PLAAT5: variants seen among roughly 807,000 people sequenced by gnomAD.
PLAAT5 encodes phospholipase A and acyltransferase 5.
Under a neutral mutation model 27.8 loss-of-function variants are expected in PLAAT5, and 27 were observed. That is an observed-to-expected ratio of 0.97 (90% CI 0.72 to 1.34). The LOEUF (loss-of-function observed/expected upper bound fraction) is 1.34, where lower values mean the gene tolerates loss of function less well. Among genes scored for constraint, PLAAT5 ranks in the 40% most tolerant of loss-of-function variants. The pLI, the probability that PLAAT5 is intolerant of heterozygous loss-of-function variation, is 0.00. For synonymous variants in PLAAT5, 125 were observed against 136.1 expected (o/e 0.92, Z 0.57); for missense variants, 368 against 343.8 (o/e 1.07, Z -0.56).
At chr11:63,464,535 AG>A in intron 5 of PLAAT5, among the ~76,000 whole-genome samples, 1 of 152,212 alleles carries the variant, frequency 6.6e-6, no homozygotes, top group South Asian at 2.1e-4. Context: ...GTGCACCTGG[AG>A]TCCCAGCTAC....
chr11:63,468,233 A>G, intron 4 of PLAAT5, 124 bp downstream of exon 4: 1 of 737,646 alleles, frequency 1.4e-6, no homozygotes, highest in East Asian at 2.5e-5. Flanking sequence ...GCAAAGGTCC[A>G]GTCATGCTTC....
At position 63,464,517 on chromosome 11, in the gene PLAAT5, A is replaced by G. The variant is rs191408779; in HGVS notation, c.718-922T>C. Among the ~76,000 whole-genome samples the G allele has an allele frequency of 7.4e-3, 1,123 of 152,136 alleles. 12 individuals carry two copies. Among genetic ancestry groups the G allele is most frequent in the Non-Finnish European group, 0.011 (738 of 67,986 alleles). On this transcript the variant is annotated intron_variant, in intron 5 of 5. Coordinates refer to ENST00000540857, the MANE Select transcript of PLAAT5 (RefSeq NM_001146729.2). ...CTAAAAATACAAAAATTAGCTGGGC[A>G]TGGTGGCGTGCACCTGGAGTCCCAG...
chr11:63,487,757 A>G (rs764823285), intron 3 of PLAAT5, among the ~76,000 whole-genome samples: 1 of 152,228 alleles, frequency 6.6e-6, no homozygotes. Flanking sequence ...AGGTGAACAC[A>G]TAAACAAGAG....
At chr11:63,464,695 C>A (rs2015811100) in intron 5 of PLAAT5, among the ~76,000 whole-genome samples, 1 of 152,118 alleles carries the variant, frequency 6.6e-6, no homozygotes, top group Non-Finnish European at 1.5e-5. Context: ...GCTTTCTCTG[C>A]TCATCTCATG....
intron 3 of PLAAT5, among the ~76,000 whole-genome samples, chr11:63,483,787 ATATATATATATATGTATATATATATAT>A (rs2016350819): frequency 1.4e-5 from 1 of 72,778 alleles, no homozygotes; most frequent in Non-Finnish European, 2.3e-5. Flanking sequence ...AAAAAAAAAT[ATATATATATATATGTATATATATATAT>A]ATATATATAT....
chr11:63,474,509 G>A (rs182259107), intron 3 of PLAAT5, among the ~76,000 whole-genome samples: 11 of 152,138 alleles, frequency 7.2e-5, no homozygotes, highest in East Asian at 3.9e-4. Context: ...GATTGATAGT[G>A]AGCCCCCTCT....
Position 63,462,424 on chromosome 11 carries a change from TGAG to T in PLAAT5, c.*1076_*1078del, listed in dbSNP as rs1390180520. 1.3e-5 allele frequency: 2 copies of T among 152,262 alleles called. No individual in the cohort carries two copies. The highest frequency in any genetic ancestry group is 3.4e-3 in the Middle Eastern group (1 of 294). The allele number at this position is 152,262 out of a possible 1,614,324, so 9.4% of individuals were successfully genotyped here. A position where few individuals can be genotyped will look rare whatever the true frequency, so the allele number is the denominator to read the frequency against. ...GCAGTGTTGGGGAACAGGAGGCCAT[TGAG>T]TTTAGATTGCTAAGAAAAGGATGGA... On this transcript the variant is annotated 3_prime_UTR_variant, in exon 6 of 6. Coordinates refer to ENST00000540857, the MANE Select transcript of PLAAT5 (RefSeq NM_001146729.2).
intron 5 of PLAAT5, among the ~76,000 whole-genome samples, chr11:63,464,535 A>G (rs1488325296): frequency 6.6e-6 from 1 of 152,094 alleles, no homozygotes; most frequent in Non-Finnish European, 1.5e-5. Context: ...GTGCACCTGG[A>G]GTCCCAGCTA....
rs1219483123 is a variant in PLAAT5 at position 63,483,775 on chromosome 11, C to CAAAAA, written c.345+5091_345+5095dup. Among the ~76,000 whole-genome samples the CAAAAA allele has an allele frequency of 6.0e-3, 165 of 27,714 alleles. 5 individuals are homozygous for CAAAAA. Among genetic ancestry groups the CAAAAA allele is most frequent in the African/African-American group, 0.03 (159 of 5,216 alleles). 18.2% of individuals were successfully genotyped at this position (27,714 alleles called of 152,430 possible). ...AGAGCAGAAGTAAATGAAATTGAAG[C>CAAAAA]AAAAAAAAAATATATATATATATAT... On this transcript the variant is annotated intron_variant, in intron 3 of 5. Coordinates refer to ENST00000540857, the MANE Select transcript of PLAAT5 (RefSeq NM_001146729.2).
rs1175885594 is a variant in PLAAT5, at chr11:63,483,793, ATATATATG to A, written c.345+5070_345+5077del. On this transcript the variant is annotated intron_variant, in intron 3 of 5. Coordinates refer to ENST00000540857, the MANE Select transcript of PLAAT5 (RefSeq NM_001146729.2). ...ATTGAAGCAAAAAAAAAATATATAT[ATATATATG>A]TATATATATATATATATATATATAT... Among the ~76,000 whole-genome samples the A allele has an allele frequency of 2.3e-4, 14 of 59,604 alleles. No individual in the cohort carries two copies. In the African/African-American group the frequency reaches 2.7e-3, roughly 12 times the overall value. The allele number at this position is 59,604 out of a possible 152,430, so 39.1% of individuals were successfully genotyped here.
rs142141507 is a variant in PLAAT5 at position 63,486,072 on chromosome 11, G to A, written c.345+2799C>T. ...TCAGAGAAATGCAAATCAAAACCACGATGCAATAATACCACCTTACTCCTC... is the reference window on the plus strand; with the variant it reads ...TCAGAGAAATGCAAATCAAAACCACAATGCAATAATACCACCTTACTCCTC... On this transcript the variant is annotated intron_variant, in intron 3 of 5. Transcript: ENST00000540857. Among the ~76,000 whole-genome samples, 5 of 151,904 alleles carry A rather than the reference G, an allele frequency of 3.3e-5. No homozygotes were observed. The East Asian group carries it at 9.7e-4, about 29-fold the overall frequency.
intron 3 of PLAAT5, among the ~76,000 whole-genome samples, chr11:63,476,166 C>G (rs1280223206): frequency 6.6e-6 from 1 of 151,954 alleles, no homozygotes; most frequent in East Asian, 1.9e-4. Context: ...TGTGCTATTA[C>G]TATTATATTT....
intron 3 of PLAAT5, among the ~76,000 whole-genome samples, chr11:63,487,870 C>G (rs566612322): frequency 1.3e-5 from 2 of 152,306 alleles, no homozygotes; most frequent in East Asian, 3.9e-4. Context: ...TATGGGCTGG[C>G]TGCAGTGGCT....
intron 3 of PLAAT5, among the ~76,000 whole-genome samples, chr11:63,484,660 A>G (rs2016392095): frequency 6.6e-6 from 1 of 152,220 alleles, no homozygotes; most frequent in Non-Finnish European, 1.5e-5. Context: ...AATAAAAGCC[A>G]TCTACGACAA....
intron 3 of PLAAT5, among the ~76,000 whole-genome samples, chr11:63,478,623 T>C (rs2016210602): frequency 6.6e-6 from 1 of 152,262 alleles, no homozygotes; most frequent in Non-Finnish European, 1.5e-5. Flanking sequence ...GGATGGACTT[T>C]CTTAAATTAA....
Position 63,490,934 on chromosome 11 carries a change from G to T in PLAAT5, c.101C>A (p.Pro34His). 6.2e-7 allele frequency: 1 copy of T among 1,603,960 alleles called. No individual in the cohort carries two copies. Among genetic ancestry groups the T allele is most frequent in the Non-Finnish European group, 8.5e-7 (1 of 1,175,614 alleles). Residue 34 changes from proline (P) to histidine (H), a missense_variant, in exon 1 of 6, where the codon CCC becomes CAC. By Grantham distance (77) the Pro-to-His change is moderately conservative (BLOSUM62 -2). Coordinates refer to ENST00000540857, the MANE Select transcript of PLAAT5 (RefSeq NM_001146729.2). ...KPASRTASTG[P>H]KDQPPALRRS... ...TCTGAGCGCAGGCGGCTGGTCCTTG[G>T]GCCCGGTACTGGCGGTTCGCGAGGC...
At position 63,463,296 on chromosome 11, in the gene PLAAT5, A is replaced by T. The variant is rs1352766961; in HGVS notation, c.*207T>A. 1 of 597,020 alleles carries T rather than the reference A, an allele frequency of 1.7e-6. No homozygotes were observed. Among genetic ancestry groups the T allele is most frequent in the African/African-American group, 1.9e-5 (1 of 53,960 alleles). The allele number at this position is 597,020 out of a possible 1,614,324, so 37.0% of individuals were successfully genotyped here. On this transcript the variant is annotated 3_prime_UTR_variant, in exon 6 of 6. Transcript: ENST00000540857. Reference sequence around the variant, plus strand: ...CTGGCGCATAAGAGATACACACTAGATACCAGATCCTTCCCATCCTGAGAG... The same window carrying T: ...CTGGCGCATAAGAGATACACACTAGTTACCAGATCCTTCCCATCCTGAGAG...
chr11:63,482,949 G>C (rs1441925513), intron 3 of PLAAT5, among the ~76,000 whole-genome samples: 2 of 152,154 alleles, frequency 1.3e-5, no homozygotes, highest in Admixed American at 1.3e-4. Flanking sequence ...GTGAGCTAGA[G>C]TAGCTATTCT....
At chr11:63,469,103 C>CAT (rs1555025555) in intron 3 of PLAAT5, among the ~76,000 whole-genome samples, 28 of 134,436 alleles carry the variant, frequency 2.1e-4, no homozygotes, top group African/African-American at 7.3e-4. Context: ...TCTCTATTAT[C>CAT]GTGTGTGTGT....
Sources: gnomAD v4.1 joint callset for allele counts (sites outside exome capture counted in the v4.1 genomes callset) on GRCh38, gnomAD v4.1.1 for gene constraint, MANE v1.5 for transcripts, NCBI Gene and HGNC (gene_info 2026-07-23, HGNC 2026-07-21) for gene names.